MACROD2: variants seen among roughly 807,000 people sequenced by gnomAD.
MACROD2 encodes the protein mono-ADP ribosylhydrolase 2.
MACROD2 carries 36 observed loss-of-function variants against 70.4 expected under a neutral mutation model. The ratio of observed to expected loss-of-function variants is 0.51; its 90% CI spans 0.39 to 0.68. The LOEUF is 0.68. Among genes scored for constraint, MACROD2 ranks in the 30% least tolerant of loss-of-function variants. The pLI, the probability that MACROD2 is intolerant of heterozygous loss-of-function variation, is 0.00. For synonymous variants in MACROD2, 172 were observed against 178.8 expected, an observed-to-expected ratio of 0.96 and a Z score of 0.30; for missense variants, 496 against 538.4, an observed-to-expected ratio of 0.92 and a Z score of 0.78.
chr20:15,350,722 T>C (rs1220990722), intron 6 of MACROD2, among the ~76,000 whole-genome samples: 1 of 152,148 alleles, frequency 6.6e-6, no homozygotes, highest in Non-Finnish European at 1.5e-5. Flanking sequence ...TCTTGCATTA[T>C]GATAAAAAAT....
chr20:14,750,735 G>C (rs897068695), intron 5 of MACROD2, among the ~76,000 whole-genome samples: 1 of 151,908 alleles, frequency 6.6e-6, no homozygotes, highest in East Asian at 1.9e-4. Flanking sequence ...CTGGGATTAC[G>C]AGTGTGAGCC....
intron 5 of MACROD2, among the ~76,000 whole-genome samples, chr20:15,123,379 T>G (rs2076044130): frequency 6.6e-6 from 1 of 152,134 alleles, no homozygotes; most frequent in African/African-American, 2.4e-5. Flanking sequence ...TCTAGACCTA[T>G]TATGTTCAAT....
rs1444364248 is a variant in MACROD2, at chr20:15,933,285, G to A, written c.785G>A (p.Gly262Asp). Residue 262 changes from glycine (G) to aspartate (D), a missense_variant, in exon 11 of 18, where the codon GGT becomes GAT. By Grantham distance (94) the Gly-to-Asp change is moderately conservative. Coordinates refer to ENST00000684519, the MANE Select transcript of MACROD2 (RefSeq NM_001351661.2). Reference protein sequence around the residue: ...VEMKEDSDENGPEEKQSVEEM... With the variant: ...VEMKEDSDENDPEEKQSVEEM... ...GTGGTTTTCTTGAAAGATGAGAACG[G>A]TCCAGAGGAGAAGCAAAGTGTGGAA... The A allele has an allele frequency of 1.9e-6, 3 of 1,613,230 alleles. No homozygotes were observed. The highest frequency in any genetic ancestry group is 2.5e-6 in the Non-Finnish European group (3 of 1,179,488).
At chr20:14,910,245 A>G (rs578241071) in intron 5 of MACROD2, among the ~76,000 whole-genome samples, 12 of 152,322 alleles carry the variant, frequency 7.9e-5, no homozygotes, top group African/African-American at 2.9e-4. Flanking sequence ...AATGTTGGCT[A>G]TGCACTTCGC....
intron 6 of MACROD2, among the ~76,000 whole-genome samples, chr20:15,408,890 T>C (rs1183393097): frequency 6.6e-6 from 1 of 152,212 alleles, no homozygotes; most frequent in Non-Finnish European, 1.5e-5. Context: ...TCTCTTCTGC[T>C]TCAAGGTAAG....
At chr20:14,042,464 C>T (rs186768947) in intron 2 of MACROD2, among the ~76,000 whole-genome samples, 5 of 152,298 alleles carry the variant, frequency 3.3e-5, no homozygotes, top group Non-Finnish European at 4.4e-5. Context: ...AGTGAGCAGT[C>T]AGTTCTGCAG....
intron 5 of MACROD2, among the ~76,000 whole-genome samples, chr20:14,943,966 T>A (rs2074410265): frequency 6.6e-6 from 1 of 152,182 alleles, no homozygotes; most frequent in African/African-American, 2.4e-5. Flanking sequence ...CATTCAGTAA[T>A]TTTACTATCA....
At chr20:14,843,501 C>T (rs1350087174) in intron 5 of MACROD2, among the ~76,000 whole-genome samples, 2 of 151,860 alleles carry the variant, frequency 1.3e-5, no homozygotes, top group Non-Finnish European at 2.9e-5. Context: ...CTTACTTTTC[C>T]ACTAGGTGAG....
At chr20:14,832,182 G>A (rs1473254225) in intron 5 of MACROD2, among the ~76,000 whole-genome samples, 1 of 151,150 alleles carries the variant, frequency 6.6e-6, no homozygotes, top group African/African-American at 2.4e-5. Context: ...AGCTGGGACT[G>A]CAGGTGCCCG....
At chr20:14,608,885 T>G (rs2123423097) in intron 4 of MACROD2, among the ~76,000 whole-genome samples, 1 of 152,206 alleles carries the variant, frequency 6.6e-6, no homozygotes, top group African/African-American at 2.4e-5. Context: ...GAGACAGATC[T>G]AAGGGATGTA....
chr20:14,486,357 G>A (rs1392098306), intron 3 of MACROD2, among the ~76,000 whole-genome samples: 2 of 151,974 alleles, frequency 1.3e-5, no homozygotes, highest in Admixed American at 1.3e-4. Context: ...CATCTGCCAG[G>A]GCTCCCCACT....
At chr20:15,507,524 T>G (rs2047442859) in intron 8 of MACROD2, among the ~76,000 whole-genome samples, 1 of 151,984 alleles carries the variant, frequency 6.6e-6, no homozygotes, top group Non-Finnish European at 1.5e-5. Context: ...TTTTTCTTTC[T>G]TTCTTTTCTT....
chr20:15,129,854 A>G (rs983296934), intron 5 of MACROD2, among the ~76,000 whole-genome samples: 1 of 152,022 alleles, frequency 6.6e-6, no homozygotes, highest in African/African-American at 2.4e-5. Flanking sequence ...TTGTATTTCT[A>G]TGGGTGCCTT....
chr20:15,758,734 T>C (rs896649616), intron 8 of MACROD2, among the ~76,000 whole-genome samples: 1 of 151,422 alleles, frequency 6.6e-6, no homozygotes, highest in African/African-American at 2.4e-5. Context: ...GTAGGGATGG[T>C]GTCTCACCAT....
At chr20:15,764,186 C>T (rs575100980) in intron 8 of MACROD2, among the ~76,000 whole-genome samples, 4 of 152,278 alleles carry the variant, frequency 2.6e-5, no homozygotes, top group African/African-American at 7.2e-5. Flanking sequence ...ACTTGCCACT[C>T]AATTTGATAT....
At chr20:14,133,229 C>G (rs2054742697) in intron 3 of MACROD2, among the ~76,000 whole-genome samples, 1 of 152,204 alleles carries the variant, frequency 6.6e-6, no homozygotes, top group Admixed American at 6.5e-5. Context: ...TTAACCATCA[C>G]AATGACCTAC....
chr20:15,207,413 TTTTG>T (rs528345804), intron 5 of MACROD2, among the ~76,000 whole-genome samples: 55 of 151,498 alleles, frequency 3.6e-4, no homozygotes, highest in Middle Eastern at 3.4e-3. Flanking sequence ...CCATTACTTC[TTTTG>T]TTTGTTTGTT....
At chr20:15,844,763 C>T (rs1465507755) in intron 8 of MACROD2, among the ~76,000 whole-genome samples, 2 of 151,968 alleles carry the variant, frequency 1.3e-5, no homozygotes, top group Non-Finnish European at 2.9e-5. Flanking sequence ...TATTGAGTGT[C>T]GGCTCTATAT....
At chr20:15,051,521 T>C (rs2075441116) in intron 5 of MACROD2, among the ~76,000 whole-genome samples, 1 of 152,060 alleles carries the variant, frequency 6.6e-6, no homozygotes, top group South Asian at 2.1e-4. Flanking sequence ...ACACATGAAA[T>C]TTCCTCTTCT....
Sources: gnomAD v4.1 joint callset for allele counts (sites outside exome capture counted in the v4.1 genomes callset) on GRCh38, gnomAD v4.1.1 for gene constraint, MANE v1.5 for transcripts, NCBI Gene and HGNC (gene_info 2026-07-23, HGNC 2026-07-21) for gene names.